Variants in DLG2 observed in about 807,000 individuals in gnomAD.
DLG2 encodes disks large homolog 2.
DLG2 carries 45 observed loss-of-function variants against 132.5 expected under a neutral mutation model. That is an observed-to-expected ratio of 0.34 (90% CI 0.27 to 0.44). DLG2 has a LOEUF of 0.44. Among genes scored for constraint, DLG2 ranks in the 20% least tolerant of loss-of-function variants. The probability of loss-of-function intolerance (pLI) is 1.00; values close to 1 mark genes in which losing one functional copy is unlikely to be tolerated. For synonymous variants in DLG2, 424 were observed against 419.6 expected (o/e 1.01, Z -0.13); for missense variants, 1,045 against 1,196.9 (o/e 0.87, Z 1.87).
intron 7 of DLG2, among the ~76,000 whole-genome samples, chr11:84,328,809 T>C (rs2098445346): frequency 6.6e-6 from 1 of 152,256 alleles, no homozygotes; most frequent in Non-Finnish European, 1.5e-5. Context: ...GTAAAGTTTA[T>C]CCTAGCTGGC....
At chr11:84,584,814 A>G (rs1182246647) in intron 6 of DLG2, among the ~76,000 whole-genome samples, 3 of 148,152 alleles carry the variant, frequency 2.0e-5, no homozygotes, top group African/African-American at 5.0e-5. Flanking sequence ...TCAGCCTCCC[A>G]AGTAGCTGGG....
At chr11:84,749,792 G>C (rs1216024976) in intron 6 of DLG2, among the ~76,000 whole-genome samples, 1 of 152,124 alleles carries the variant, frequency 6.6e-6, no homozygotes, top group Non-Finnish European at 1.5e-5. Context: ...GTTAATCTCA[G>C]GCCCTTTGGA....
chr11:85,300,137 AAC>A (rs2079497472), intron 3 of DLG2, among the ~76,000 whole-genome samples: 3 of 152,226 alleles, frequency 2.0e-5, no homozygotes, highest in Admixed American at 2.0e-4. Context: ...GATAAAAACT[AAC>A]AGTCTAGTAG....
At chr11:83,856,767 C>T (rs745705740) in intron 16 of DLG2, among the ~76,000 whole-genome samples, 1 of 152,098 alleles carries the variant, frequency 6.6e-6, no homozygotes, top group African/African-American at 2.4e-5. Context: ...TTCTCCAATT[C>T]TGTAGGTGGT....
chr11:84,123,853 T>A (rs1236162724), intron 9 of DLG2, among the ~76,000 whole-genome samples: 1 of 152,206 alleles, frequency 6.6e-6, no homozygotes, highest in Non-Finnish European at 1.5e-5. Context: ...AGGAGAAATT[T>A]TCTGAAGTTG....
At chr11:83,747,275 TCTTCCTTCCTTCCTTCCTTCCTTC>T (rs61484895) in intron 18 of DLG2, among the ~76,000 whole-genome samples, 95 of 121,662 alleles carry the variant, frequency 7.8e-4, no homozygotes, top group Non-Finnish European at 1.3e-3. Flanking sequence ...TGCTTTAAAA[TCTTCCTTCCTTCCTTCCTTCCTTC>T]CTTCCTTCCT....
chr11:83,885,887 C>T (rs2067717341), intron 15 of DLG2, among the ~76,000 whole-genome samples: 1 of 152,078 alleles, frequency 6.6e-6, no homozygotes, highest in African/African-American at 2.4e-5. Context: ...ACTTTACAGA[C>T]AAGCAAATGC....
chr11:84,579,115 C>T (rs2099510360), intron 6 of DLG2, among the ~76,000 whole-genome samples: 1 of 151,930 alleles, frequency 6.6e-6, no homozygotes, highest in Non-Finnish European at 1.5e-5. Context: ...AATTAAACCT[C>T]TTTTTGTTCA....
intron 3 of DLG2, among the ~76,000 whole-genome samples, chr11:85,333,777 C>T (rs929282233): frequency 1.3e-5 from 2 of 152,110 alleles, no homozygotes; most frequent in Non-Finnish European, 2.9e-5. Context: ...AGGGATAAAG[C>T]CTACCTGATT....
At chr11:85,027,219 G>T (rs946857886) in intron 6 of DLG2, among the ~76,000 whole-genome samples, 1 of 109,946 alleles carries the variant, frequency 9.1e-6, no homozygotes, top group Non-Finnish European at 1.7e-5. Flanking sequence ...AGTGCATTTA[G>T]CAAAGAACTA....
At chr11:84,122,333 A>C (rs955135578) in intron 9 of DLG2, among the ~76,000 whole-genome samples, 1 of 152,158 alleles carries the variant, frequency 6.6e-6, no homozygotes, top group African/African-American at 2.4e-5. Context: ...ATAAAATAAA[A>C]TAATAATTCC....
intron 5 of DLG2, among the ~76,000 whole-genome samples, chr11:85,121,611 T>C (rs911847681): frequency 2.0e-5 from 3 of 152,048 alleles, no homozygotes; most frequent in Non-Finnish European, 2.9e-5. Flanking sequence ...GATAATTTGG[T>C]TTATCATAGA....
At chr11:84,053,976 G>A (rs2096453641) in intron 11 of DLG2, among the ~76,000 whole-genome samples, 1 of 123,290 alleles carries the variant, frequency 8.1e-6, no homozygotes, top group Non-Finnish European at 1.7e-5. Context: ...AAATAATGGA[G>A]GAGAATTGCT....
At chr11:85,596,473 C>A (rs768266924) in intron 3 of DLG2, among the ~76,000 whole-genome samples, 16 of 152,128 alleles carry the variant, frequency 1.1e-4, no homozygotes, top group Admixed American at 2.0e-4. Flanking sequence ...GTAAATATTA[C>A]AGCATGTTCT....
At chr11:84,377,475 A>C (rs1237888482) in intron 7 of DLG2, among the ~76,000 whole-genome samples, 1 of 152,040 alleles carries the variant, frequency 6.6e-6, no homozygotes. Context: ...ATAATAGTAA[A>C]GACAAATTGG....
intron 14 of DLG2, among the ~76,000 whole-genome samples, chr11:83,958,007 A>G (rs1437850781): frequency 1.3e-5 from 2 of 152,204 alleles, no homozygotes; most frequent in Non-Finnish European, 2.9e-5. Context: ...AACTGAACTT[A>G]ATGCATTTAT....
rs554229018 is a variant in DLG2, at chr11:83,683,400, C to T, written c.1826-50075G>A. Among the ~76,000 whole-genome samples, 609 of 152,264 alleles carry T rather than the reference C, an allele frequency of 4.0e-3. 4 individuals carry two copies. The highest frequency in any genetic ancestry group is 5.3e-3 in the Non-Finnish European group (361 of 68,018). ...TGGCAGAGCTCTAATGGACTCCACGCAATTTAGTTTCAAAGCCCAGACTCA... is the reference window on the plus strand; with the variant it reads ...TGGCAGAGCTCTAATGGACTCCACGTAATTTAGTTTCAAAGCCCAGACTCA... On this transcript the variant is annotated intron_variant, in intron 18 of 27. Transcript: ENST00000376104.
intron 3 of DLG2, among the ~76,000 whole-genome samples, chr11:85,530,107 C>T (rs1432898082): frequency 6.7e-6 from 1 of 150,314 alleles, no homozygotes; most frequent in Non-Finnish European, 1.5e-5. Context: ...AGCGATTCTC[C>T]TGCCTCAGCC....
intron 3 of DLG2, among the ~76,000 whole-genome samples, chr11:85,484,607 A>G (rs1485595127): frequency 3.9e-5 from 6 of 152,144 alleles, no homozygotes; most frequent in African/African-American, 1.2e-4. Flanking sequence ...AAAAATGCTC[A>G]CCATCACTGG....
Sources: allele counts gnomAD v4.1 joint callset (sites outside exome capture counted in the v4.1 genomes callset), GRCh38; gene constraint gnomAD v4.1.1; transcripts MANE v1.5; gene names NCBI Gene and HGNC (gene_info 2026-07-23, HGNC 2026-07-21).